GALNT14: variants seen among roughly 807,000 people sequenced by gnomAD.
GALNT14 encodes the protein UDP-GalNAc:polypeptide N-acetylgalactosaminyltransferase 14.
In GALNT14, 60 loss-of-function variants were observed where a neutral mutation model predicts 77.5. That is an observed-to-expected ratio of 0.77 (90% CI 0.63 to 0.96). GALNT14 has a LOEUF of 0.96. Ranked by LOEUF, GALNT14 falls within the 40% of genes least tolerant of loss-of-function variation. GALNT14 has a pLI of 0.00. For missense variants in GALNT14, 710 were observed against 731.0 expected (o/e 0.97, Z 0.33); for synonymous variants, 280 against 281.7 (o/e 0.99, Z 0.06).
At chr2:31,005,851 A>G (rs894477867) in intron 1 of GALNT14, among the ~76,000 whole-genome samples, 6 of 152,238 alleles carry the variant, frequency 3.9e-5, no homozygotes, top group African/African-American at 1.4e-4. Flanking sequence ...AAGAAGCGTA[A>G]TACATAAGGT....
chr2:31,006,663 G>A (rs1259765286), intron 1 of GALNT14, among the ~76,000 whole-genome samples: 1 of 152,206 alleles, frequency 6.6e-6, no homozygotes, highest in African/African-American at 2.4e-5. Flanking sequence ...GGATGAAGGA[G>A]GAGGCATGGC....
At chr2:30,999,111 A>G (rs1670207668) in intron 1 of GALNT14, among the ~76,000 whole-genome samples, 1 of 152,238 alleles carries the variant, frequency 6.6e-6, no homozygotes, top group African/African-American at 2.4e-5. Flanking sequence ...GAAGAAGGTC[A>G]GAGTAGAAAA....
At chr2:30,893,654 G>A in the GALNT14 span, among the ~76,000 whole-genome samples, 1 of 152,140 alleles carries the variant, frequency 6.6e-6, no homozygotes, top group African/African-American at 2.4e-5. Flanking sequence ...AATTGTCGAG[G>A]TAAATGCCAG....
intron 2 of GALNT14, among the ~76,000 whole-genome samples, chr2:30,979,134 T>C (rs539389814): frequency 1.1e-4 from 16 of 152,220 alleles, no homozygotes; most frequent in Admixed American, 4.6e-4. Flanking sequence ...GAGTTTCAGG[T>C]GAGGAGTGAT....
chr2:30,892,098 T>C, the GALNT14 span, among the ~76,000 whole-genome samples: 1 of 152,238 alleles, frequency 6.6e-6, no homozygotes, highest in Non-Finnish European at 1.5e-5. Flanking sequence ...CGGTATGTGC[T>C]GCCTAATCAG....
At chr2:31,128,632 C>T (rs1468728079) in intron 1 of GALNT14, among the ~76,000 whole-genome samples, 1 of 152,132 alleles carries the variant, frequency 6.6e-6, no homozygotes, top group African/African-American at 2.4e-5. Context: ...GCAAACCCTG[C>T]AGGCCCAGGA....
chr2:30,966,297 G>A lies in GALNT14; in HGVS notation c.305C>T (p.Thr102Ile). ...AIPDTRHLRC[T>I]LLVYCTDLPP... The stretch of plus-strand genomic sequence containing the variant: ...AAGGTCCGTGCAATACACCAGCAGT[G>A]TGCATCTGGGGAAGGAAAGGCACAG... The change falls in exon 3 of 15, where the codon ACA (threonine) becomes ATA (isoleucine). Residue 102 changes from threonine (T) to isoleucine (I), a missense_variant. Thr to Ile is a moderately conservative substitution (Grantham distance 89). Coordinates refer to ENST00000349752, the MANE Select transcript of GALNT14 (RefSeq NM_024572.4). 6.2e-7 allele frequency: 1 copy of A among 1,612,626 alleles called. No homozygotes were observed. The highest frequency in any genetic ancestry group is 8.5e-7 in the Non-Finnish European group (1 of 1,178,694).
At chr2:30,975,750 G>A (rs1464342854) in intron 2 of GALNT14, among the ~76,000 whole-genome samples, 1 of 151,984 alleles carries the variant, frequency 6.6e-6, no homozygotes, top group Non-Finnish European at 1.5e-5. Flanking sequence ...TCTAGGTCTT[G>A]GTTTTCTGGT....
At chr2:30,978,283 C>T (rs1668760850) in intron 2 of GALNT14, among the ~76,000 whole-genome samples, 1 of 152,248 alleles carries the variant, frequency 6.6e-6, no homozygotes, top group Admixed American at 6.5e-5. Context: ...CCACCACACT[C>T]CACATGGCCG....
chr2:30,953,810 C>T (rs1558437546), intron 6 of GALNT14, among the ~76,000 whole-genome samples: 1 of 152,174 alleles, frequency 6.6e-6, no homozygotes. Flanking sequence ...GCTCAGGAAA[C>T]GTCTGTTGAT....
chr2:31,076,973 T>C (rs139074172), intron 1 of GALNT14, among the ~76,000 whole-genome samples: 8 of 152,308 alleles, frequency 5.3e-5, no homozygotes, highest in South Asian at 2.1e-4. Context: ...CCATCCCTCA[T>C]GACAACAGCA....
At chr2:31,036,632 T>C (rs1421108442) in intron 1 of GALNT14, among the ~76,000 whole-genome samples, 1 of 152,246 alleles carries the variant, frequency 6.6e-6, no homozygotes, top group Non-Finnish European at 1.5e-5. Context: ...AGTTACTGCC[T>C]ACTGTTCTTT....
At chr2:31,065,348 C>T (rs1674874620) in intron 1 of GALNT14, 2 of 152,150 alleles carry the variant, frequency 1.3e-5, no homozygotes, top group Non-Finnish European at 2.9e-5. Context: ...CCAGTCCCTC[C>T]ACTGATGGAA....
chr2:30,939,103 T>C (rs568095572), intron 9 of GALNT14, among the ~76,000 whole-genome samples: 3 of 152,330 alleles, frequency 2.0e-5, no homozygotes, highest in Admixed American at 2.0e-4. Context: ...CACTGCTGGC[T>C]CAAGAATGAG....
chr2:30,929,321 C>T, intron 11 of GALNT14, 74 bp downstream of exon 11: 4 of 1,157,046 alleles, frequency 3.5e-6, no homozygotes, highest in Non-Finnish European at 5.1e-6. Context: ...GGCCTATCGG[C>T]ACCCATTTGC....
intron 1 of GALNT14, among the ~76,000 whole-genome samples, chr2:31,072,375 CTTT>C (rs375698800): frequency 1.3e-5 from 2 of 150,762 alleles, no homozygotes; most frequent in East Asian, 2.0e-4. Context: ...CTCTTGCTCT[CTTT>C]TTTTTTCTTT....
intron 6 of GALNT14, among the ~76,000 whole-genome samples, chr2:30,952,590 TCA>T (rs1667092122): frequency 7.9e-6 from 1 of 126,760 alleles, no homozygotes; most frequent in South Asian, 2.8e-4. Context: ...AAGGGGAATA[TCA>T]CACTCTGGGG....
Position 31,113,379 on chromosome 2 carries a change from A to C in GALNT14, c.129+24579T>G, listed in dbSNP as rs556414291. ...TGGAGAATGGCATCTAAGAACAGAC[A>C]CAGGAGCAAGATCAGTTGTCCCTGA... On this transcript the variant is annotated intron_variant, in intron 1 of 14. Coordinates refer to ENST00000349752, the MANE Select transcript of GALNT14 (RefSeq NM_024572.4). Among the ~76,000 whole-genome samples, 5 of 152,270 alleles carry C rather than the reference A, an allele frequency of 3.3e-5. No homozygotes were observed. In the South Asian group the frequency reaches 1.0e-3, roughly 32 times the overall value.
downstream of GALNT14, among the ~76,000 whole-genome samples, chr2:30,906,446 T>C (rs1664144977): frequency 6.8e-6 from 1 of 147,850 alleles, no homozygotes; most frequent in East Asian, 2.0e-4. Flanking sequence ...CCAACAAAGA[T>C]CAAAAGAGAC....
Sources: gnomAD v4.1 joint callset for allele counts (sites outside exome capture counted in the v4.1 genomes callset) on GRCh38, gnomAD v4.1.1 for gene constraint, MANE v1.5 for transcripts, NCBI Gene and HGNC (gene_info 2026-07-23, HGNC 2026-07-21) for gene names.